The following ERGIC1 variants were observed in gnomAD, a reference collection of about 807,000 sequenced individuals.
The protein encoded by ERGIC1 is endoplasmic reticulum-golgi intermediate compartment 1.
Under a neutral mutation model 38.3 loss-of-function variants are expected in ERGIC1, and 19 were observed. The ratio of observed to expected loss-of-function variants is 0.50; its 90% CI spans 0.35 to 0.73. The LOEUF is 0.73. Among genes scored for constraint, ERGIC1 ranks in the 30% least tolerant of loss-of-function variants. ERGIC1 has a pLI of 0.01. For missense variants in ERGIC1, 294 were observed against 389.2 expected, an observed-to-expected ratio of 0.76 and a Z score of 2.06; for synonymous variants, 124 against 157.6, an observed-to-expected ratio of 0.79 and a Z score of 1.60.
chr5:172,882,158 T>C (rs1403329908), intron 1 of ERGIC1, among the ~76,000 whole-genome samples: 1 of 152,188 alleles, frequency 6.6e-6, no homozygotes, highest in African/African-American at 2.4e-5. Context: ...CGTGGCTCTG[T>C]GGCGTGGGAA....
intron 1 of ERGIC1, among the ~76,000 whole-genome samples, chr5:172,857,939 G>C (rs1761595559): frequency 9.9e-5 from 15 of 152,080 alleles, no homozygotes; most frequent in Admixed American, 4.6e-4. Context: ...ACTGTGCCAG[G>C]CACTGCGAGA....
At chr5:172,921,297 C>G (rs1763513581) in intron 5 of ERGIC1, among the ~76,000 whole-genome samples, 1 of 152,250 alleles carries the variant, frequency 6.6e-6, no homozygotes, top group South Asian at 2.1e-4. Flanking sequence ...GTCCCTGAAG[C>G]AGGCGATGCT....
intron 1 of ERGIC1, among the ~76,000 whole-genome samples, chr5:172,879,084 C>T (rs561979255): frequency 7.9e-5 from 12 of 152,232 alleles, no homozygotes; most frequent in Non-Finnish European, 1.8e-4. Context: ...TCACAAGTGC[C>T]TGCCCGGTAG....
Position 172,904,254 on chromosome 5 carries a change from C to T in ERGIC1, c.156-5413C>T, listed in dbSNP as rs143285100. 2.1e-3 allele frequency among the ~76,000 whole-genome samples: 315 copies of T among 152,352 alleles called. 1 individual carries two copies. The highest frequency in any genetic ancestry group is 3.5e-3 in the Non-Finnish European group (237 of 68,036). Reference sequence around the variant, plus strand: ...TTTTCACCTGTGTTTACACACGTAACCATCACTCTGATGAAGACATAATAC... The same window carrying T: ...TTTTCACCTGTGTTTACACACGTAATCATCACTCTGATGAAGACATAATAC... On this transcript the variant is annotated intron_variant, in intron 3 of 9. Transcript: ENST00000393784.
intron 1 of ERGIC1, among the ~76,000 whole-genome samples, chr5:172,886,182 C>G (rs979984472): frequency 2.6e-5 from 4 of 152,144 alleles, no homozygotes; most frequent in Non-Finnish European, 4.4e-5. Context: ...TCAGGACCCT[C>G]TCCTCCAGCC....
Position 172,837,833 on chromosome 5 carries a change from C to T in ERGIC1, c.20+3400C>T, listed in dbSNP as rs761220159. Among the ~76,000 whole-genome samples, 2 of 152,234 alleles carry T rather than the reference C, an allele frequency of 1.3e-5. No homozygotes were observed. Among genetic ancestry groups the T allele is most frequent in the Admixed American group, 6.5e-5 (1 of 15,284 alleles). On this transcript the variant is annotated intron_variant, in intron 1 of 9. Coordinates refer to ENST00000393784, the MANE Select transcript of ERGIC1 (RefSeq NM_001031711.3). The surrounding 1 kb of genome is among the most constrained non-coding windows in gnomAD (Gnocchi z 4.3). ...TGGAACTAGCCTTGTGACCCACATC[C>T]GTGTGTGTTGTTTCGAGTTCCGGCT...
intron 1 of ERGIC1, among the ~76,000 whole-genome samples, chr5:172,858,836 A>T (rs943323489): frequency 6.6e-6 from 1 of 152,136 alleles, no homozygotes; most frequent in East Asian, 1.9e-4. Flanking sequence ...TGCCAGCCAG[A>T]TGTTTGGGGC....
Position 172,912,231 on chromosome 5 carries a change from C to G in ERGIC1, c.250+2470C>G, listed in dbSNP as rs187493066. On this transcript the variant is annotated intron_variant, in intron 4 of 9. Coordinates refer to ENST00000393784, the MANE Select transcript of ERGIC1 (RefSeq NM_001031711.3). ...TTAAATCCACTGGGATTTGAGGTATCTTAGCAGAATGGCTGAAGGGTGGGG... is the reference window on the plus strand; with the variant it reads ...TTAAATCCACTGGGATTTGAGGTATGTTAGCAGAATGGCTGAAGGGTGGGG... Among the ~76,000 whole-genome samples, 11 of 152,228 alleles carry G rather than the reference C, an allele frequency of 7.2e-5. 1 individual carries two copies. The East Asian group carries it at 2.1e-3, about 29-fold the overall frequency.
chr5:172,920,880 C>G (rs1763494725), intron 5 of ERGIC1, among the ~76,000 whole-genome samples: 1 of 152,224 alleles, frequency 6.6e-6, no homozygotes, highest in Non-Finnish European at 1.5e-5. Context: ...TGGTCAGCAA[C>G]AGGGTCTTTA....
intron 3 of ERGIC1, among the ~76,000 whole-genome samples, chr5:172,898,783 C>CA (rs1444119025): frequency 6.6e-6 from 1 of 152,110 alleles, no homozygotes; most frequent in East Asian, 1.9e-4. Context: ...ACCCTGTGGC[C>CA]ATGCAGGGTT....
intron 1 of ERGIC1, among the ~76,000 whole-genome samples, chr5:172,863,441 T>C (rs2113114990): frequency 6.6e-6 from 1 of 152,312 alleles, no homozygotes; most frequent in South Asian, 2.1e-4. Context: ...GGTACACCAC[T>C]GCGCAGCCTC....
At position 172,878,886 on chromosome 5, in the gene ERGIC1, C is replaced by T. The variant is rs183568091; in HGVS notation, c.21-9813C>T. On this transcript the variant is annotated intron_variant, in intron 1 of 9. Transcript: ENST00000393784. Reference sequence around the variant, plus strand: ...TGGAGGGAATGAGTAGGTGAACAAACGAGTGAGTTTTTCGCCTCACTCCCT... The same window carrying T: ...TGGAGGGAATGAGTAGGTGAACAAATGAGTGAGTTTTTCGCCTCACTCCCT... Among the ~76,000 whole-genome samples, 298 of 152,274 alleles carry T rather than the reference C, an allele frequency of 2.0e-3. 3 individuals are homozygous for T. The highest frequency in any genetic ancestry group is 2.9e-3 in the Non-Finnish European group (200 of 68,022).
chr5:172,893,935 G>GTGTGTGTGTGTGTGTGTGTGTGTGTA lies in ERGIC1; in HGVS notation c.83-3066_83-3065insGTGTGTGTGTGTGTGTGTGTGTGTAT, dbSNP rs1429850022. ...TGTGTGTGTGTGTGTGTGTGTGTGTGTATATATATATATATATATTTAAAT... is the reference window on the plus strand; with the variant it reads ...TGTGTGTGTGTGTGTGTGTGTGTGTGTGTGTGTGTGTGTGTGTGTGTGTGTATATATATATATATATATATTTAAAT... On this transcript the variant is annotated intron_variant, in intron 2 of 9. Coordinates refer to ENST00000393784, the MANE Select transcript of ERGIC1 (RefSeq NM_001031711.3). Among the ~76,000 whole-genome samples the GTGTGTGTGTGTGTGTGTGTGTGTGTA allele has an allele frequency of 7.2e-4, 31 of 42,820 alleles. 1 individual carries two copies. The highest frequency in any genetic ancestry group is 1.9e-3 in the Admixed American group (7 of 3,716). 28.1% of individuals were successfully genotyped at this position (42,820 alleles called of 152,430 possible).
intron 1 of ERGIC1, among the ~76,000 whole-genome samples, chr5:172,871,768 G>T (rs532671178): frequency 1.1e-4 from 17 of 152,358 alleles, no homozygotes; most frequent in African/African-American, 3.8e-4. Flanking sequence ...GGGCAGTGGG[G>T]TGAGAAGGAG....
Position 172,926,668 on chromosome 5 carries a change from C to A in ERGIC1, c.541+99C>A. 7.5e-7 allele frequency: 1 copy of A among 1,329,312 alleles called. No homozygotes were observed. The highest frequency in any genetic ancestry group is 1.1e-6 in the Non-Finnish European group (1 of 938,830). 82.3% of individuals were successfully genotyped at this position (1,329,312 alleles called of 1,614,324 possible). A position where few individuals can be genotyped will look rare whatever the true frequency, so the allele number is the denominator to read the frequency against. On this transcript the variant is annotated intron_variant, in intron 7 of 9. Coordinates refer to ENST00000393784, the MANE Select transcript of ERGIC1 (RefSeq NM_001031711.3). The surrounding 1 kb of genome is among the most constrained non-coding windows in gnomAD (Gnocchi z 5.2). Reference sequence around the variant, plus strand: ...GAGGTGGGGGTGCCTGTCCAGCACCCACTCCAAGGCAGGGAGGCTGCTGCT... The same window carrying A: ...GAGGTGGGGGTGCCTGTCCAGCACCAACTCCAAGGCAGGGAGGCTGCTGCT...
rs7705681 is a variant in ERGIC1 at position 172,843,250 on chromosome 5, T to C, written c.20+8817T>C. ...CCTTATCAGGTGTATGGTTTGCAAATGTTTTCTTCCATTCTGTAGTTGCGT... is the reference window on the plus strand; with the variant it reads ...CCTTATCAGGTGTATGGTTTGCAAACGTTTTCTTCCATTCTGTAGTTGCGT... On this transcript the variant is annotated intron_variant, in intron 1 of 9. Coordinates refer to ENST00000393784, the MANE Select transcript of ERGIC1 (RefSeq NM_001031711.3). Among the ~76,000 whole-genome samples, 545 of 152,312 alleles carry C rather than the reference T, an allele frequency of 3.6e-3. 1 individual carries two copies. Among genetic ancestry groups the C allele is most frequent in the African/African-American group, 0.013 (529 of 41,566 alleles).
intron 1 of ERGIC1, among the ~76,000 whole-genome samples, chr5:172,865,298 C>T (rs1761826821): frequency 6.6e-6 from 1 of 152,148 alleles, no homozygotes; most frequent in African/African-American, 2.4e-5. Context: ...TCAGGTGATC[C>T]ACCCGCCTTG....
chr5:172,914,337 C>A (rs1177242731), intron 4 of ERGIC1, among the ~76,000 whole-genome samples: 1 of 151,774 alleles, frequency 6.6e-6, no homozygotes, highest in Non-Finnish European at 1.5e-5. Context: ...TAAGCATTTT[C>A]TACATCTATG....
intron 6 of ERGIC1, among the ~76,000 whole-genome samples, chr5:172,925,769 TAGCTCG>T (rs1275420473): frequency 2.0e-5 from 3 of 152,214 alleles, no homozygotes; most frequent in Non-Finnish European, 2.9e-5. Flanking sequence ...CCAGGGTGTC[TAGCTCG>T]ATAACCCCTG....
Sources: allele counts gnomAD v4.1 joint callset (sites outside exome capture counted in the v4.1 genomes callset), GRCh38; gene constraint gnomAD v4.1.1; non-coding constraint Gnocchi (gnomAD v3.1); transcripts MANE v1.5; gene names NCBI Gene and HGNC (gene_info 2026-07-23, HGNC 2026-07-21).